PARVB: variants seen among roughly 807,000 people sequenced by gnomAD.
PARVB encodes parvin beta.
In PARVB, 46 loss-of-function variants were observed where a neutral mutation model predicts 47.0. The ratio of observed to expected loss-of-function variants is 0.98; its 90% CI spans 0.77 to 1.25. PARVB has a LOEUF of 1.25. PARVB is among the 50% of genes most tolerant of loss of function. The pLI, the probability that PARVB is intolerant of heterozygous loss-of-function variation, is 0.00. For missense variants in PARVB, 473 were observed against 471.6 expected, an observed-to-expected ratio of 1.00 and a Z score of -0.03; for synonymous variants, 196 against 196.3, an observed-to-expected ratio of 1.00 and a Z score of 0.01.
chr22:44,006,773 C>T (rs1219944799), intron 2 of PARVB, among the ~76,000 whole-genome samples: 1 of 152,156 alleles, frequency 6.6e-6, no homozygotes, highest in East Asian at 1.9e-4. Flanking sequence ...ATACCTTCAG[C>T]CCTCTCCTCT....
intron 2 of PARVB, among the ~76,000 whole-genome samples, chr22:44,003,384 T>C (rs2050432353): frequency 6.6e-6 from 1 of 152,166 alleles, no homozygotes; most frequent in African/African-American, 2.4e-5. Context: ...TGATGTGGCC[T>C]TGGGGATGAA....
At chr22:44,126,561 G>A (rs1454496726) in intron 4 of PARVB, among the ~76,000 whole-genome samples, 1 of 152,074 alleles carries the variant, frequency 6.6e-6, no homozygotes, top group Non-Finnish European at 1.5e-5. Flanking sequence ...AGCTGCCCCT[G>A]GGCTGTCAGT....
intron 1 of PARVB, among the ~76,000 whole-genome samples, chr22:44,066,234 G>A (rs2051521189): frequency 6.6e-6 from 1 of 152,160 alleles, no homozygotes; most frequent in Non-Finnish European, 1.5e-5. Flanking sequence ...TTTGTTTTTA[G>A]TGATGGCCAG....
intron 4 of PARVB, among the ~76,000 whole-genome samples, chr22:44,121,560 A>AG (rs987514628): frequency 1.5e-4 from 22 of 150,116 alleles, no homozygotes; most frequent in Admixed American, 1.3e-3. Flanking sequence ...TCCTTTTTTA[A>AG]AAAAAAAAAA....
rs1256492520 is a variant in PARVB, at chr22:44,068,794, C to G, written c.113-25134C>G. 1.3e-5 allele frequency among the ~76,000 whole-genome samples: 2 copies of G among 152,160 alleles called. No homozygotes were observed. Among genetic ancestry groups the G allele is most frequent in the Non-Finnish European group, 2.9e-5 (2 of 68,024 alleles). On this transcript the variant is annotated intron_variant, in intron 1 of 12. Transcript: ENST00000338758. This position sits in a 1 kb window ranked among gnomAD's most constrained non-coding sequence, Gnocchi z 4.1. ...CAGTGGGAGGCCAATGTCTGTTGTT[C>G]AGTTTAGCTCTGAGCCACGTGCATC... is the stretch of plus-strand genomic sequence containing the variant.
At chr22:44,094,928 C>A (rs2147049420) in intron 2 of PARVB, among the ~76,000 whole-genome samples, 1 of 151,586 alleles carries the variant, frequency 6.6e-6, no homozygotes, top group African/African-American at 2.4e-5. Flanking sequence ...GAAGACTCTT[C>A]TTCTTCCACA....
At chr22:44,047,361 C>G (rs1234279501) in intron 1 of PARVB, among the ~76,000 whole-genome samples, 2 of 152,140 alleles carry the variant, frequency 1.3e-5, no homozygotes, top group Admixed American at 1.3e-4. Context: ...TGGCTTAGGT[C>G]GCTGTATTCA....
intron 11 of PARVB, among the ~76,000 whole-genome samples, chr22:44,161,821 G>A (rs559720512): frequency 6.6e-6 from 1 of 151,048 alleles, no homozygotes; most frequent in African/African-American, 2.5e-5. Context: ...CCCTCCGCAC[G>A]GGCCGTCCTC....
At chr22:44,070,145 A>G (rs915794624) in intron 1 of PARVB, among the ~76,000 whole-genome samples, 3 of 152,230 alleles carry the variant, frequency 2.0e-5, no homozygotes, top group African/African-American at 7.2e-5. Flanking sequence ...TGCTTTGCTC[A>G]GTGCTATCCT....
chr22:44,068,960 G>T lies in PARVB; in HGVS notation c.113-24968G>T. The T allele has an allele frequency of 3.3e-6, 2 of 608,842 alleles. No homozygotes were observed. Among genetic ancestry groups the T allele is most frequent in the South Asian group, 2.1e-5 (1 of 48,216 alleles). 37.7% of individuals were successfully genotyped at this position (608,842 alleles called of 1,614,324 possible). On this transcript the variant is annotated intron_variant, in intron 1 of 12. Transcript: ENST00000338758. This position sits in a 1 kb window ranked among gnomAD's most constrained non-coding sequence, Gnocchi z 4.1. ...GGTCTGTGGTCAGCAAGGAGCTATC[G>T]CTGGAAACACCCCGGTCCTTCCACA...
At chr22:44,160,228 G>T (rs1193685217) in intron 11 of PARVB, among the ~76,000 whole-genome samples, 1 of 152,158 alleles carries the variant, frequency 6.6e-6, no homozygotes, top group Admixed American at 6.5e-5. Flanking sequence ...GTCGAGTGGG[G>T]TGCATCCTGG....
intron 1 of PARVB, among the ~76,000 whole-genome samples, chr22:44,082,534 A>G (rs1015003835): frequency 4.6e-5 from 7 of 152,016 alleles, no homozygotes; most frequent in Non-Finnish European, 8.8e-5. Flanking sequence ...CAAAAACAAA[A>G]ACAAAAAACA....
At chr22:44,072,763 G>A (rs1174522054) in intron 1 of PARVB, among the ~76,000 whole-genome samples, 1 of 151,936 alleles carries the variant, frequency 6.6e-6, no homozygotes. Context: ...CTTTCTTTTT[G>A]TGCCTTATTA....
chr22:44,137,089 G>A (rs1044233602), intron 7 of PARVB, among the ~76,000 whole-genome samples: 5 of 152,212 alleles, frequency 3.3e-5, no homozygotes, highest in Admixed American at 3.3e-4. Flanking sequence ...CTGCATTTGT[G>A]CCTCTTGACT....
intron 12 of PARVB, among the ~76,000 whole-genome samples, chr22:44,164,223 C>T (rs2054115380): frequency 6.6e-6 from 1 of 152,224 alleles, no homozygotes; most frequent in South Asian, 2.1e-4. Context: ...GCCACTCAGG[C>T]TGGAAATGCA....
chr22:44,116,783 G>A (rs1259824463), intron 3 of PARVB, among the ~76,000 whole-genome samples: 2 of 152,280 alleles, frequency 1.3e-5, no homozygotes, highest in Non-Finnish European at 2.9e-5. Flanking sequence ...CTGAGCTCTG[G>A]AGGAGGAAGT....
intron 1 of PARVB, among the ~76,000 whole-genome samples, chr22:44,051,130 G>A (rs1026633608): frequency 3.9e-5 from 6 of 152,176 alleles, no homozygotes; most frequent in African/African-American, 7.2e-5. Context: ...GAGATCTCCC[G>A]TGACAGAGTA....
chr22:44,087,795 TTC>T (rs1451318877), intron 1 of PARVB, among the ~76,000 whole-genome samples: 1 of 151,672 alleles, frequency 6.6e-6, no homozygotes, highest in African/African-American at 2.4e-5. Flanking sequence ...TAGTTTTTGA[TTC>T]TCTTTCTTTC....
chr22:44,029,901 C>G (rs1167414575), intron 1 of PARVB, among the ~76,000 whole-genome samples: 1 of 139,220 alleles, frequency 7.2e-6, no homozygotes, highest in Non-Finnish European at 1.5e-5. Flanking sequence ...CAAAGCGAGA[C>G]TCTGCCTCAA....
Sources: gnomAD v4.1 joint callset for allele counts (sites outside exome capture counted in the v4.1 genomes callset) on GRCh38, gnomAD v4.1.1 for gene constraint, Gnocchi (gnomAD v3.1) non-coding constraint, MANE v1.5 for transcripts, NCBI Gene and HGNC (gene_info 2026-07-23, HGNC 2026-07-21) for gene names.